Variants in STX18 observed in about 807,000 individuals in gnomAD.
STX18 encodes syntaxin 18.
Under a neutral mutation model 50.1 loss-of-function variants are expected in STX18, and 40 were observed. The observed-to-expected ratio is 0.80, with a 90% CI of 0.62 to 1.04. The LOEUF is 1.04. Ranked by LOEUF, STX18 falls within the 50% of genes least tolerant of loss-of-function variation. The pLI is 0.00. For missense variants in STX18, 410 were observed against 415.8 expected, an observed-to-expected ratio of 0.99 and a Z score of 0.12; for synonymous variants, 158 against 151.8, an observed-to-expected ratio of 1.04 and a Z score of -0.30.
At chr4:4,526,992 C>T (rs527450688) in intron 1 of STX18, among the ~76,000 whole-genome samples, 5 of 152,248 alleles carry the variant, frequency 3.3e-5, no homozygotes, top group African/African-American at 1.2e-4. Flanking sequence ...GATAGCTCTT[C>T]TTTTTCTTCC....
intron 1 of STX18, among the ~76,000 whole-genome samples, chr4:4,472,225 A>G (rs184858603): frequency 6.6e-6 from 1 of 152,190 alleles, no homozygotes; most frequent in Non-Finnish European, 1.5e-5. Flanking sequence ...TGGATGAAGA[A>G]AAAGAACTCA....
intron 7 of STX18, 146 bp downstream of exon 7, chr4:4,434,624 G>C (rs1253190007): frequency 4.9e-6 from 3 of 610,588 alleles, no homozygotes; most frequent in Non-Finnish European, 5.4e-6. Context: ...AAATCAAATG[G>C]GAAAGTGTAT....
chr4:4,511,019 G>C (rs554071228), intron 1 of STX18, among the ~76,000 whole-genome samples: 12 of 152,184 alleles, frequency 7.9e-5, no homozygotes, highest in Non-Finnish European at 1.3e-4. Context: ...GGAAGACAAG[G>C]GGGAGGGAGA....
chr4:4,502,571 C>G (rs575261176), intron 1 of STX18, among the ~76,000 whole-genome samples: 97 of 151,704 alleles, frequency 6.4e-4, no homozygotes, highest in African/African-American at 2.2e-3. Context: ...TATTCATTAT[C>G]AGTGAAAAAA....
intron 6 of STX18, among the ~76,000 whole-genome samples, chr4:4,437,986 G>C (rs1560163434): frequency 6.6e-6 from 1 of 152,356 alleles, no homozygotes; most frequent in Non-Finnish European, 1.5e-5. Context: ...CTGTTGGTTT[G>C]ACTGGCTGTG....
intron 1 of STX18, among the ~76,000 whole-genome samples, chr4:4,499,164 T>C (rs542106919): frequency 6.6e-6 from 1 of 152,340 alleles, no homozygotes; most frequent in East Asian, 1.9e-4. Flanking sequence ...TTAAAAACAG[T>C]AGCTTTATTA....
At chr4:4,495,603 G>C (rs964905407) in intron 1 of STX18, among the ~76,000 whole-genome samples, 2 of 122,634 alleles carry the variant, frequency 1.6e-5, no homozygotes, top group African/African-American at 6.6e-5. Flanking sequence ...GTCTTGCTAT[G>C]TTGCCCATGC....
chr4:4,475,064 C>T (rs1004149988), intron 1 of STX18, among the ~76,000 whole-genome samples: 1 of 152,016 alleles, frequency 6.6e-6, no homozygotes, highest in African/African-American at 2.4e-5. Context: ...ATCCAGCTGC[C>T]CACCCCTACT....
In STX18 at chr4:4,526,120, G is replaced by A. The variant is rs111753295; in HGVS notation, c.168+15677C>T. Reference sequence around the variant, plus strand: ...GAGAATCTTTGCGTGGAGAATGAGCGGTACTGAGCGCTTCTGAGCCAAAGT... The same window carrying A: ...GAGAATCTTTGCGTGGAGAATGAGCAGTACTGAGCGCTTCTGAGCCAAAGT... On this transcript the variant is annotated intron_variant, in intron 1 of 10. Coordinates refer to ENST00000306200, the MANE Select transcript of STX18 (RefSeq NM_016930.4). Among the ~76,000 whole-genome samples, 672 of 152,210 alleles carry A rather than the reference G, an allele frequency of 4.4e-3. 3 individuals carry two copies. The highest frequency in any genetic ancestry group is 8.6e-3 in the African/African-American group (356 of 41,536).
At chr4:4,492,612 T>C (rs912408451) in intron 1 of STX18, among the ~76,000 whole-genome samples, 51 of 152,316 alleles carry the variant, frequency 3.3e-4, no homozygotes. Flanking sequence ...AGTATGACGA[T>C]GCATCAACAC....
At chr4:4,488,337 T>C (rs940772373) in intron 1 of STX18, among the ~76,000 whole-genome samples, 39 of 152,234 alleles carry the variant, frequency 2.6e-4, no homozygotes, top group African/African-American at 8.7e-4. Flanking sequence ...AATTATAATA[T>C]CAGCTTATAA....
At chr4:4,447,349 C>A (rs945709148) in intron 5 of STX18, among the ~76,000 whole-genome samples, 1 of 150,780 alleles carries the variant, frequency 6.6e-6, no homozygotes, top group Non-Finnish European at 1.5e-5. Flanking sequence ...CAGCACTTTG[C>A]GAGGCCGAGG....
intron 1 of STX18, among the ~76,000 whole-genome samples, chr4:4,532,779 C>A (rs1422772689): frequency 1.3e-5 from 2 of 152,196 alleles, no homozygotes; most frequent in Non-Finnish European, 2.9e-5. Context: ...CTCAATTCCT[C>A]TGAGTTAAGA....
At chr4:4,424,687 G>A (rs1434081585) in intron 8 of STX18, among the ~76,000 whole-genome samples, 2 of 152,160 alleles carry the variant, frequency 1.3e-5, no homozygotes, top group African/African-American at 4.8e-5. Context: ...ACAGAAACTA[G>A]AGGCTAACGG....
intron 1 of STX18, among the ~76,000 whole-genome samples, chr4:4,501,842 C>T (rs926347267): frequency 7.9e-5 from 12 of 152,198 alleles, no homozygotes; most frequent in Admixed American, 3.9e-4. Context: ...ATTCTCAATT[C>T]AGGCTCCATA....
chr4:4,457,578 C>G (rs1358387370), intron 3 of STX18, 78 bp from the exon 4 acceptor site: 5 of 1,061,850 alleles, frequency 4.7e-6, no homozygotes, highest in South Asian at 1.4e-5. Context: ...CCTCACAACA[C>G]TTTCTTTATT....
At chr4:4,462,389 A>G (rs2108823400) in intron 2 of STX18, among the ~76,000 whole-genome samples, 1 of 152,324 alleles carries the variant, frequency 6.6e-6, no homozygotes, top group South Asian at 2.1e-4. Context: ...ACTAGCACAA[A>G]GGCAAGTTAT....
At chr4:4,483,538 A>T (rs1172030010) in intron 1 of STX18, among the ~76,000 whole-genome samples, 1 of 152,188 alleles carries the variant, frequency 6.6e-6, no homozygotes, top group East Asian at 1.9e-4. Context: ...ATTATTTGGC[A>T]TTACTGAACA....
intron 5 of STX18, among the ~76,000 whole-genome samples, chr4:4,444,997 C>T (rs1187856609): frequency 1.3e-5 from 2 of 152,034 alleles, no homozygotes; most frequent in East Asian, 3.9e-4. Context: ...CAGGCCCTAG[C>T]CAGTGCAATA....
Sources: gnomAD v4.1 joint callset for allele counts (sites outside exome capture counted in the v4.1 genomes callset) on GRCh38, gnomAD v4.1.1 for gene constraint, MANE v1.5 for transcripts, NCBI Gene and HGNC (gene_info 2026-07-23, HGNC 2026-07-21) for gene names.